The following MPP2 variants were observed in gnomAD, a reference collection of about 807,000 sequenced individuals.
MPP2 encodes the protein MAGUK p55 subfamily member 2.
A neutral mutation model predicts 58.5 loss-of-function variants in MPP2; 42 were observed. The observed-to-expected ratio is 0.72, with a 90% CI of 0.56 to 0.93. The LOEUF is 0.93. Among genes scored for constraint, MPP2 ranks in the 40% least tolerant of loss-of-function variants. The pLI is 0.00. For missense variants in MPP2, 632 were observed against 760.4 expected, an observed-to-expected ratio of 0.83 and a Z score of 1.99; for synonymous variants, 300 against 307.8, an observed-to-expected ratio of 0.97 and a Z score of 0.26.
chr17:43,879,407 C>A lies in MPP2; in HGVS notation c.1354-4G>T. On this transcript the variant is annotated splice_region_variant and splice_polypyrimidine_tract_variant and intron_variant, in intron 11 of 12. Transcript: ENST00000269095. This position sits in a 1 kb window ranked among gnomAD's most constrained non-coding sequence, Gnocchi z 4.1. Reference sequence around the variant, plus strand: ...CCGTTCGTAGCACCTTCACCGCCTGCAGAAGGAGAAGGCAAGGTAGGGAGT... The same window carrying A: ...CCGTTCGTAGCACCTTCACCGCCTGAAGAAGGAGAAGGCAAGGTAGGGAGT... The A allele has an allele frequency of 6.2e-6, 10 of 1,613,986 alleles. No homozygotes were observed. The highest frequency in any genetic ancestry group is 8.5e-6 in the Non-Finnish European group (10 of 1,179,912).
chr17:43,909,424 C>T (rs2048383402), upstream of MPP2: 1 of 547,448 alleles, frequency 1.8e-6, no homozygotes, highest in Non-Finnish European at 2.8e-6. Flanking sequence ...AAAGGCTACC[C>T]TCCACTGTCA....
chr17:43,882,996 G>T lies in MPP2; in HGVS notation c.360C>A (p.Pro120=). 2 of 1,603,382 alleles carry T rather than the reference G, an allele frequency of 1.2e-6. No individual in the cohort carries two copies. Among genetic ancestry groups the T allele is most frequent in the Non-Finnish European group, 1.7e-6 (2 of 1,171,640 alleles). ...TGAATGTAGGGTCCAGGCCAGGGCT[G>T]GGGGGTGGTGTCTCATAGGTCTTTG... ...VASKTYETPP[P]SPGLDPTFSN... The change falls in exon 5 of 13, where the codon CCC becomes CCA. Residue 120 remains proline, a synonymous_variant. Coordinates refer to ENST00000269095, the MANE Select transcript of MPP2 (RefSeq NM_005374.5).
At chr17:43,906,868 C>A (rs114708456) in intron 1 of MPP2, among the ~76,000 whole-genome samples, 1,531 of 151,082 alleles carry the variant, frequency 0.01, 22 homozygotes, top group African/African-American at 0.035. Flanking sequence ...ACCGCCCCCC[C>A]CTTAATTGAC....
At chr17:43,908,051 CTTTCCAGAAA>C, upstream of MPP2, 1 of 912,056 alleles carries the variant, frequency 1.1e-6, no homozygotes, top group East Asian at 1.2e-4. Flanking sequence ...GGATTCCAGA[CTTTCCAGAAA>C]TTTTGCAAAA....
rs187589540 is a variant in MPP2 at position 43,883,557 on chromosome 17, C to A, written c.151-202G>T. Among the ~76,000 whole-genome samples the A allele has an allele frequency of 3.0e-3, 450 of 151,340 alleles. 1 individual carries two copies. Among genetic ancestry groups the A allele is most frequent in the Non-Finnish European group, 4.6e-3 (314 of 67,878 alleles). ...CCTTTCTTCCCCAAAATTACTAGGA[C>A]CTAGTTTAGGGAAGGAAGAAACCAA... On this transcript the variant is annotated intron_variant, in intron 3 of 12. Transcript: ENST00000269095.
rs2046903202 is a variant in MPP2, at chr17:43,877,637, C to A, written c.*170G>T. ...ACCCCATGAATGCCCACCTCCCTGG[C>A]AGTGCACGCCTCTGTGCTGAAGCCA... On this transcript the variant is annotated 3_prime_UTR_variant, in exon 13 of 13. Transcript: ENST00000269095. The A allele has an allele frequency of 1.5e-6, 1 of 655,646 alleles. No homozygotes were observed. The highest frequency in any genetic ancestry group is 2.7e-6 in the Non-Finnish European group (1 of 369,802). The allele number at this position is 655,646 out of a possible 1,614,324, so 40.6% of individuals were successfully genotyped here. A position where few individuals can be genotyped will look rare whatever the true frequency, so the allele number is the denominator to read the frequency against.
In MPP2 at chr17:43,900,651, A is replaced by C. The variant is rs112482509; in HGVS notation, c.32-2271T>G. The C allele has an allele frequency of 3.5e-3, 4,950 of 1,431,616 alleles. 17 individuals carry two copies. The highest frequency in any genetic ancestry group is 4.4e-3 in the Non-Finnish European group (4,755 of 1,091,286). The allele number at this position is 1,431,616 out of a possible 1,614,324, so 88.7% of individuals were successfully genotyped here. ...GCCGGGCTGGGGAAGGCGGGAGTCG[A>C]GGAGCGCCCTCTGAGGAACCAGCCA... On this transcript the variant is annotated intron_variant, in intron 2 of 12. Transcript: ENST00000269095.
intron 6 of MPP2, 110 bp downstream of exon 6, chr17:43,882,174 A>T: frequency 1.8e-6 from 2 of 1,085,778 alleles, no homozygotes; most frequent in Non-Finnish European, 2.7e-6. Context: ...TCCCACCCCC[A>T]TCTTCCCTGG....
chr17:43,883,354 G>T lies in MPP2; in HGVS notation c.152C>A (p.Ala51Asp). Residue 51 changes from alanine to aspartate, a missense_variant and splice_region_variant, in exon 4 of 13, where the codon GCC becomes GAC. Transcript: ENST00000269095. ...ESPIVRSLAK[A>D]HERLEETKLE... ...CTTCGTCTCCTCCAGCCTCTCATGG[G>T]CCTGGGGGTGGAAGCAGAACAGGTG... 6.2e-7 allele frequency: 1 copy of T among 1,610,458 alleles called. No individual in the cohort carries two copies. Among genetic ancestry groups the T allele is most frequent in the Non-Finnish European group, 8.5e-7 (1 of 1,179,752 alleles).
Position 43,880,979 on chromosome 17 carries a change from C to T in MPP2, c.988+111G>A. On this transcript the variant is annotated intron_variant, in intron 9 of 12. Coordinates refer to ENST00000269095, the MANE Select transcript of MPP2 (RefSeq NM_005374.5). This position sits in a 1 kb window ranked among gnomAD's most constrained non-coding sequence, Gnocchi z 5.2. Reference sequence around the variant, plus strand: ...GGGGGAGTCGGGCAGGGCCTAGGGACACGGCTGGCAGCATCTGAGCCAGGC... The same window carrying T: ...GGGGGAGTCGGGCAGGGCCTAGGGATACGGCTGGCAGCATCTGAGCCAGGC... 6.6e-7 allele frequency: 1 copy of T among 1,523,496 alleles called. No individual in the cohort carries two copies. The highest frequency in any genetic ancestry group is 9.0e-7 in the Non-Finnish European group (1 of 1,109,006). The allele number at this position is 1,523,496 out of a possible 1,614,324, so 94.4% of individuals were successfully genotyped here. A position where few individuals can be genotyped will look rare whatever the true frequency, so the allele number is the denominator to read the frequency against.
At chr17:43,892,356 TCA>T (rs1185887552) in intron 3 of MPP2, among the ~76,000 whole-genome samples, 1 of 152,258 alleles carries the variant, frequency 6.6e-6, no homozygotes, top group Non-Finnish European at 1.5e-5. Context: ...GGATCTTTGA[TCA>T]CAGTGCTTTG....
chr17:43,898,471 C>T, intron 2 of MPP2, 91 bp from the exon 3 acceptor site: 1 of 489,702 alleles, frequency 2.0e-6, no homozygotes, highest in Non-Finnish European at 3.3e-6. Flanking sequence ...TCCCCACCCC[C>T]ATGTCCCACA....
chr17:43,900,243 GGCCAGGGCAGGGACCCTTCCCTTCCT>G (rs1227079941), intron 2 of MPP2, among the ~76,000 whole-genome samples: 5 of 152,230 alleles, frequency 3.3e-5, no homozygotes, highest in African/African-American at 1.2e-4. Flanking sequence ...CTCTGAAAGA[GGCCAGGGCAGGGACCCTTCCCTTCCT>G]GCCAGGGTAT....
At chr17:43,897,579 C>T (rs1442910204) in intron 3 of MPP2, among the ~76,000 whole-genome samples, 1 of 152,226 alleles carries the variant, frequency 6.6e-6, no homozygotes, top group Non-Finnish European at 1.5e-5. Flanking sequence ...TCCAGACCTG[C>T]CAACCTTTGC....
chr17:43,876,573 C>G lies in MPP2; in HGVS notation c.*1234G>C, dbSNP rs1339867637. 1 of 152,312 alleles carries G rather than the reference C, an allele frequency of 6.6e-6. No homozygotes were observed. The highest frequency in any genetic ancestry group is 2.4e-5 in the African/African-American group (1 of 41,436). 9.4% of individuals were successfully genotyped at this position (152,312 alleles called of 1,614,324 possible). ...GAAATGAGGGCTGATGGGGAACCCC[C>G]AGAAAGGGGCCCCAAAGAGTGACCT... On this transcript the variant is annotated 3_prime_UTR_variant, in exon 13 of 13. Coordinates refer to ENST00000269095, the MANE Select transcript of MPP2 (RefSeq NM_005374.5).
At chr17:43,902,655 C>T (rs191372106) in intron 2 of MPP2, among the ~76,000 whole-genome samples, 8 of 152,278 alleles carry the variant, frequency 5.3e-5, no homozygotes, top group East Asian at 1.9e-4. Flanking sequence ...TTCACTTTCT[C>T]GGAGAGGAGG....
At chr17:43,887,570 A>T (rs963399608) in intron 3 of MPP2, among the ~76,000 whole-genome samples, 2 of 151,702 alleles carry the variant, frequency 1.3e-5, no homozygotes, top group Non-Finnish European at 2.9e-5. Context: ...CTTGGAGTTT[A>T]TTCTGATATA....
upstream of MPP2, chr17:43,909,515 A>T: frequency 7.6e-7 from 1 of 1,310,794 alleles, no homozygotes; most frequent in Non-Finnish European, 1.0e-6. Flanking sequence ...CAAGATATTA[A>T]TTACTTCTTA....
chr17:43,879,866 C>T lies in MPP2; in HGVS notation c.1269G>A (p.Glu423=), dbSNP rs1293969031. 1.2e-6 allele frequency: 2 copies of T among 1,614,036 alleles called. No homozygotes were observed. Among genetic ancestry groups the T allele is most frequent in the South Asian group, 2.2e-5 (2 of 91,078 alleles). Residue 423 remains glutamate, a synonymous_variant, in exon 11 of 13, where the codon GAG becomes GAA. Transcript: ENST00000269095. The surrounding 1 kb of genome is among the most constrained non-coding windows in gnomAD (Gnocchi z 4.1). Reference sequence around the variant, plus strand: ...CAATACGTGTGCCATACAGGTTGCCCTCGTATTCGCCATGCTCCAGGTAGC... The same window carrying T: ...CAATACGTGTGCCATACAGGTTGCCTTCGTATTCGCCATGCTCCAGGTAGC... The part of the protein sequence containing the change: ...AGRYLEHGEY[E]GNLYGTRIDS...
Sources: gnomAD v4.1 joint callset for allele counts (sites outside exome capture counted in the v4.1 genomes callset) on GRCh38, gnomAD v4.1.1 for gene constraint, Gnocchi (gnomAD v3.1) non-coding constraint, MANE v1.5 for transcripts, NCBI Gene and HGNC (gene_info 2026-07-23, HGNC 2026-07-21) for gene names.